DLC1: variants seen among roughly 807,000 people sequenced by gnomAD.
DLC1 encodes DLC1 Rho GTPase activating protein.
Under a neutral mutation model 140.3 loss-of-function variants are expected in DLC1, and 54 were observed. The ratio of observed to expected loss-of-function variants is 0.38; its 90% CI spans 0.31 to 0.48. The LOEUF (loss-of-function observed/expected upper bound fraction) is 0.48. Ranked by LOEUF, DLC1 falls within the 20% of genes least tolerant of loss-of-function variation. The pLI is 0.96. For synonymous variants in DLC1, 986 were observed against 728.1 expected, an observed-to-expected ratio of 1.35 and a Z score of -5.70; for missense variants, 2,536 against 1,907.0, an observed-to-expected ratio of 1.33 and a Z score of -6.14.
intron 4 of DLC1, among the ~76,000 whole-genome samples, chr8:13,354,476 T>C (rs982719588): frequency 1.3e-5 from 2 of 151,350 alleles, no homozygotes; most frequent in African/African-American, 4.9e-5. Flanking sequence ...AAAATAATTA[T>C]AAAATATTTT....
At chr8:13,324,560 T>A (rs10088552) in intron 4 of DLC1, among the ~76,000 whole-genome samples, 2 of 140,786 alleles carry the variant, frequency 1.4e-5, no homozygotes, top group African/African-American at 2.7e-5. Flanking sequence ...GCAAAAGAGC[T>A]AGACTCCGTC....
chr8:13,514,602 C>T lies in DLC1; in HGVS notation c.-126G>A. On this transcript the variant is annotated splice_region_variant and 5_prime_UTR_variant, in exon 1 of 18. Coordinates refer to ENST00000276297, the MANE Select transcript of DLC1 (RefSeq NM_182643.3). ...ATAAAGATAGTCCATAGCGTCTTAC[C>T]TAGACAACGAGGAGCTGAAACGCCA... 2.5e-6 allele frequency: 1 copy of T among 398,528 alleles called. No homozygotes were observed. 24.7% of individuals were successfully genotyped at this position (398,528 alleles called of 1,614,324 possible).
chr8:13,393,831 T>C, intron 3 of DLC1, 138 bp from the exon 4 acceptor site: 1 of 991,416 alleles, frequency 1.0e-6, no homozygotes, highest in East Asian at 2.5e-5. Context: ...CAACTGACAG[T>C]GACGTGTCAC....
intron 2 of DLC1, among the ~76,000 whole-genome samples, chr8:13,492,090 A>G (rs543819424): frequency 6.6e-6 from 1 of 152,262 alleles, no homozygotes; most frequent in African/African-American, 2.4e-5. Flanking sequence ...GTGGGTATAG[A>G]GAGAACTGAG....
chr8:13,558,692 G>A (rs1484054452), intron 1 of DLC1: 6 of 152,068 alleles, frequency 3.9e-5, no homozygotes, highest in Admixed American at 3.9e-4. Context: ...TAACAAATGG[G>A]TCACATTGAA....
chr8:13,566,797 A>G, intron 1 of DLC1: 1 of 696,082 alleles, frequency 1.4e-6, no homozygotes, highest in Admixed American at 3.5e-5. Flanking sequence ...AAAAGGCGGG[A>G]CGCCGCATGG....
intron 2 of DLC1, among the ~76,000 whole-genome samples, chr8:13,475,121 T>A (rs201009065): frequency 4.9e-4 from 1 of 2,046 alleles, no homozygotes; most frequent in African/African-American, 1.0e-3. Flanking sequence ...CAAAATGACA[T>A]TTTTTTTTAA....
intron 5 of DLC1, among the ~76,000 whole-genome samples, chr8:13,167,978 T>A (rs1049123146): frequency 6.6e-6 from 1 of 152,228 alleles, no homozygotes; most frequent in African/African-American, 2.4e-5. Context: ...AGAGTGTTCT[T>A]AAAAAATAAA....
intron 5 of DLC1, among the ~76,000 whole-genome samples, chr8:13,129,218 T>C (rs535419150): frequency 6.6e-6 from 1 of 152,348 alleles, no homozygotes; most frequent in South Asian, 2.1e-4. Context: ...CAGCACTGTC[T>C]TCCTTCAAAG....
At chr8:13,163,579 T>G (rs140104690) in intron 5 of DLC1, among the ~76,000 whole-genome samples, 2 of 151,958 alleles carry the variant, frequency 1.3e-5, no homozygotes, top group Non-Finnish European at 2.9e-5. Flanking sequence ...TAGTGATACA[T>G]TGTGGTGGCT....
intron 2 of DLC1, among the ~76,000 whole-genome samples, chr8:13,416,408 T>C (rs1838060341): frequency 6.6e-6 from 1 of 152,140 alleles, no homozygotes; most frequent in African/African-American, 2.4e-5. Context: ...ATATAAAACA[T>C]GCATATAAAA....
rs1179024237 is a variant in DLC1, at chr8:13,162,503, A to T, written c.1349-46846T>A. Reference sequence around the variant, plus strand: ...AAACCCGGCTAATTTTTATATTTTTAGTAGAGACGGGGTTTCACCATGTTG... The same window carrying T: ...AAACCCGGCTAATTTTTATATTTTTTGTAGAGACGGGGTTTCACCATGTTG... On this transcript the variant is annotated intron_variant, in intron 5 of 17. Coordinates refer to ENST00000276297, the MANE Select transcript of DLC1 (RefSeq NM_182643.3). Among the ~76,000 whole-genome samples the T allele has an allele frequency of 2.0e-5, 3 of 152,256 alleles. No individual in the cohort carries two copies. In the East Asian group the frequency reaches 5.8e-4, roughly 30 times the overall value.
intron 1 of DLC1, among the ~76,000 whole-genome samples, chr8:13,603,594 G>A (rs111878753): frequency 2.7e-4 from 41 of 151,936 alleles, no homozygotes; most frequent in African/African-American, 9.9e-4. Flanking sequence ...AAATGTCTTC[G>A]CTCTCTACAT....
chr8:13,196,575 A>T (rs375854494), intron 5 of DLC1, among the ~76,000 whole-genome samples: 2 of 152,290 alleles, frequency 1.3e-5, no homozygotes, highest in South Asian at 2.1e-4. Context: ...CTGTGGTTCT[A>T]TGATTCTTAA....
At chr8:13,186,782 G>C (rs1310825835) in intron 5 of DLC1, among the ~76,000 whole-genome samples, 3 of 152,196 alleles carry the variant, frequency 2.0e-5, no homozygotes, top group African/African-American at 7.2e-5. Context: ...TCCCACCTTT[G>C]TGGTTTTATC....
intron 2 of DLC1, among the ~76,000 whole-genome samples, chr8:13,459,784 C>T (rs919951804): frequency 6.6e-6 from 1 of 152,222 alleles, no homozygotes; most frequent in East Asian, 1.9e-4. Context: ...GGAAAAACTG[C>T]TTCCTGTGAA....
intron 2 of DLC1, among the ~76,000 whole-genome samples, chr8:13,478,412 T>G (rs1196679631): frequency 1.3e-5 from 2 of 152,192 alleles, no homozygotes. Context: ...GAGATTACAA[T>G]TCGACATGAG....
chr8:13,601,519 A>G (rs1316459715), intron 1 of DLC1, among the ~76,000 whole-genome samples: 5 of 151,842 alleles, frequency 3.3e-5, no homozygotes, highest in Non-Finnish European at 7.4e-5. Flanking sequence ...CATCATTGCT[A>G]TCATAACACT....
At chr8:13,308,293 A>G (rs1196595961) in intron 4 of DLC1, among the ~76,000 whole-genome samples, 1 of 152,172 alleles carries the variant, frequency 6.6e-6, no homozygotes, top group Non-Finnish European at 1.5e-5. Flanking sequence ...AGCTACCAAA[A>G]CTCACTTCCA....
Sources: gnomAD v4.1 joint callset for allele counts (sites outside exome capture counted in the v4.1 genomes callset) on GRCh38, gnomAD v4.1.1 for gene constraint, MANE v1.5 for transcripts, NCBI Gene and HGNC (gene_info 2026-07-23, HGNC 2026-07-21) for gene names.